GRID1: variants seen among roughly 807,000 people sequenced by gnomAD.
GRID1 encodes the protein glutamate receptor ionotropic, delta-1.
A neutral mutation model predicts 98.0 loss-of-function variants in GRID1; 28 were observed. That is an observed-to-expected ratio of 0.29 (90% CI 0.21 to 0.39). GRID1 has a LOEUF of 0.39. GRID1 is among the 10% of genes least tolerant of loss of function. The pLI, the probability that GRID1 is intolerant of heterozygous loss-of-function variation, is 1.00. For missense variants in GRID1, 1,111 were observed against 1,340.5 expected (o/e 0.83, Z 2.67); for synonymous variants, 553 against 538.5 (o/e 1.03, Z -0.37).
chr10:86,301,730 T>C (rs767414229), intron 2 of GRID1, among the ~76,000 whole-genome samples: 19 of 152,218 alleles, frequency 1.2e-4, no homozygotes, highest in South Asian at 6.2e-4. Flanking sequence ...ATTGTCACCA[T>C]TGGTCCCAGG....
At chr10:86,360,686 G>A (rs140763429) in intron 2 of GRID1, among the ~76,000 whole-genome samples, 2 of 152,272 alleles carry the variant, frequency 1.3e-5, no homozygotes, top group East Asian at 3.9e-4. Flanking sequence ...AACACCCACC[G>A]CAGGCCTTAT....
At chr10:85,936,584 T>C (rs1018575108) in intron 4 of GRID1, among the ~76,000 whole-genome samples, 3 of 152,142 alleles carry the variant, frequency 2.0e-5, no homozygotes, top group African/African-American at 7.2e-5. Flanking sequence ...TTCTTCCTTA[T>C]AGTAAGCATT....
At chr10:85,767,866 A>T (rs915765647) in intron 8 of GRID1, among the ~76,000 whole-genome samples, 1 of 152,224 alleles carries the variant, frequency 6.6e-6, no homozygotes, top group African/African-American at 2.4e-5. Context: ...TCTGCTCACA[A>T]AAGGCTATGG....
chr10:85,780,815 C>G (rs1191559583), intron 8 of GRID1, among the ~76,000 whole-genome samples: 2 of 152,226 alleles, frequency 1.3e-5, no homozygotes, highest in African/African-American at 4.8e-5. Flanking sequence ...CAGTGGTGTT[C>G]TGAGGATTAA....
chr10:86,282,164 A>T (rs905669419), intron 2 of GRID1, among the ~76,000 whole-genome samples: 1 of 152,214 alleles, frequency 6.6e-6, no homozygotes, highest in Non-Finnish European at 1.5e-5. Flanking sequence ...GAAATGGGAA[A>T]GTGAATTCAT....
At chr10:86,029,270 C>T (rs1843154870) in intron 4 of GRID1, among the ~76,000 whole-genome samples, 1 of 152,206 alleles carries the variant, frequency 6.6e-6, no homozygotes, top group Non-Finnish European at 1.5e-5. Flanking sequence ...TGGCACTGTC[C>T]TTGACTCTTC....
At chr10:85,716,581 A>C (rs1393680459) in intron 12 of GRID1, among the ~76,000 whole-genome samples, 1 of 150,068 alleles carries the variant, frequency 6.7e-6, no homozygotes, top group Non-Finnish European at 1.5e-5. Flanking sequence ...ATAAAATAAA[A>C]AAGAAAATGT....
chr10:86,082,791 T>C (rs1843995699), intron 4 of GRID1, among the ~76,000 whole-genome samples: 1 of 152,204 alleles, frequency 6.6e-6, no homozygotes, highest in African/African-American at 2.4e-5. Flanking sequence ...TGCACCTGTG[T>C]ACAGATTGTC....
intron 2 of GRID1, among the ~76,000 whole-genome samples, chr10:86,314,281 T>C (rs188216969): frequency 5.9e-5 from 9 of 152,256 alleles, no homozygotes; most frequent in Admixed American, 5.2e-4. Context: ...CAACCCACCA[T>C]AGAATGAGCC....
At chr10:86,341,270 T>G (rs1227748559) in intron 2 of GRID1, among the ~76,000 whole-genome samples, 2 of 152,046 alleles carry the variant, frequency 1.3e-5, no homozygotes, top group Non-Finnish European at 2.9e-5. Context: ...CTTCTAGAGA[T>G]AGCAAGAAAA....
chr10:85,885,239 G>T (rs903608056), intron 5 of GRID1, among the ~76,000 whole-genome samples: 7 of 152,136 alleles, frequency 4.6e-5, no homozygotes, highest in Non-Finnish European at 7.4e-5. Flanking sequence ...CCTCCCAAAA[G>T]GTACATGCTT....
At chr10:86,070,062 G>A (rs1194122937) in intron 4 of GRID1, among the ~76,000 whole-genome samples, 1 of 152,212 alleles carries the variant, frequency 6.6e-6, no homozygotes, top group Non-Finnish European at 1.5e-5. Context: ...CTGTGGTTGT[G>A]CCAGCTCTTT....
chr10:85,751,249 T>C (rs1384222041), intron 8 of GRID1, among the ~76,000 whole-genome samples: 1 of 152,188 alleles, frequency 6.6e-6, no homozygotes, highest in African/African-American at 2.4e-5. Flanking sequence ...CTCTTGGTAG[T>C]GTTATTATAA....
intron 15 of GRID1, among the ~76,000 whole-genome samples, chr10:85,608,766 G>A (rs1842700697): frequency 6.6e-6 from 1 of 152,146 alleles, no homozygotes; most frequent in Admixed American, 6.5e-5. Flanking sequence ...CAGCAAGCAG[G>A]GGAGGCTTTG....
rs193163413 is a variant in GRID1, at chr10:85,634,608, G to C, written c.2193+12594C>G. On this transcript the variant is annotated intron_variant, in intron 13 of 15. Coordinates refer to ENST00000327946, the MANE Select transcript of GRID1 (RefSeq NM_017551.3). The stretch of plus-strand genomic sequence containing the variant: ...TGCAAAATGGAAACACGCCACAAAA[G>C]GTCCTCAATGGTGAAGATAAAGTGC... 4.7e-3 allele frequency among the ~76,000 whole-genome samples: 721 copies of C among 152,162 alleles called. 6 individuals carry two copies. The highest frequency in any genetic ancestry group is 0.017 in the African/African-American group (692 of 41,516).
intron 12 of GRID1, among the ~76,000 whole-genome samples, chr10:85,655,286 C>T (rs1840882235): frequency 6.6e-6 from 1 of 152,164 alleles, no homozygotes; most frequent in Admixed American, 6.5e-5. Flanking sequence ...AGAGTGGATC[C>T]ATGCCCACTG....
At chr10:86,250,910 A>T (rs918677375) in intron 2 of GRID1, among the ~76,000 whole-genome samples, 1 of 152,242 alleles carries the variant, frequency 6.6e-6, no homozygotes, top group Non-Finnish European at 1.5e-5. Context: ...AAAAGGGGGA[A>T]ATGTGGGGAA....
intron 8 of GRID1, among the ~76,000 whole-genome samples, chr10:85,845,973 T>G (rs1224723315): frequency 6.6e-6 from 1 of 152,128 alleles, no homozygotes; most frequent in Non-Finnish European, 1.5e-5. Context: ...GGTGTGGTGA[T>G]GAAAGGGGTG....
At chr10:86,274,026 T>G (rs1847228466) in intron 2 of GRID1, among the ~76,000 whole-genome samples, 1 of 152,220 alleles carries the variant, frequency 6.6e-6, no homozygotes, top group Non-Finnish European at 1.5e-5. Context: ...GGTTTTCTTC[T>G]AGGGTTTTTA....
Sources: allele counts gnomAD v4.1 joint callset (sites outside exome capture counted in the v4.1 genomes callset), GRCh38; gene constraint gnomAD v4.1.1; transcripts MANE v1.5; gene names NCBI Gene and HGNC (gene_info 2026-07-23, HGNC 2026-07-21).